The following C11orf97 variants were observed in gnomAD, a reference collection of about 807,000 sequenced individuals.
The protein encoded by C11orf97 is chromosome 11 open reading frame 97, also known as uncharacterized protein C11orf97.
A neutral mutation model predicts 16.2 loss-of-function variants in C11orf97; 15 were observed. That is an observed-to-expected ratio of 0.93 (90% CI 0.62 to 1.43). The LOEUF is 1.43. C11orf97 is among the 40% of genes most tolerant of loss of function. The pLI is 0.00. For missense variants in C11orf97, 171 were observed against 161.2 expected, an observed-to-expected ratio of 1.06 and a Z score of -0.33; for synonymous variants, 61 against 65.7, an observed-to-expected ratio of 0.93 and a Z score of 0.34.
At chr11:94,527,830 T>G (rs1425596248) in intron 2 of C11orf97, among the ~76,000 whole-genome samples, 1 of 152,242 alleles carries the variant, frequency 6.6e-6, no homozygotes, top group African/African-American at 2.4e-5. Flanking sequence ...TATGTTTCTA[T>G]TCATCTATTT....
intron 3 of C11orf97, among the ~76,000 whole-genome samples, chr11:94,529,433 T>G (rs1446288358): frequency 6.6e-6 from 1 of 152,180 alleles, no homozygotes; most frequent in Admixed American, 6.5e-5. Context: ...TTAGGAAGAC[T>G]TCAGTTTAAT....
intron 2 of C11orf97, among the ~76,000 whole-genome samples, chr11:94,522,936 A>T (rs1565253501): frequency 6.6e-6 from 1 of 152,178 alleles, no homozygotes; most frequent in Non-Finnish European, 1.5e-5. Context: ...ATTTGTATTA[A>T]CAACAGTGGC....
chr11:94,525,162 A>G (rs538353679), intron 2 of C11orf97, among the ~76,000 whole-genome samples: 18 of 152,298 alleles, frequency 1.2e-4, no homozygotes, highest in African/African-American at 4.3e-4. Flanking sequence ...TTTTAAAACT[A>G]TTTCTGCATT....
At chr11:94,520,196 G>A (rs1947646837) in intron 2 of C11orf97, among the ~76,000 whole-genome samples, 2 of 152,130 alleles carry the variant, frequency 1.3e-5, no homozygotes, top group Admixed American at 1.3e-4. Flanking sequence ...TCTTTTTGAA[G>A]GTCAAATCCA....
At chr11:94,517,774 C>A in intron 2 of C11orf97, 87 bp downstream of exon 2, 3 of 888,912 alleles carry the variant, frequency 3.4e-6, no homozygotes, top group Non-Finnish European at 4.8e-6. Context: ...TAAAACCATA[C>A]TATTGAAATA....
At chr11:94,517,052 T>C (rs1275033687) in intron 1 of C11orf97, among the ~76,000 whole-genome samples, 2 of 152,250 alleles carry the variant, frequency 1.3e-5, no homozygotes, top group Non-Finnish European at 2.9e-5. Context: ...TCATGTCCTA[T>C]AGGTCCAGAT....
At chr11:94,522,968 C>T (rs1453538455) in intron 2 of C11orf97, among the ~76,000 whole-genome samples, 2 of 152,086 alleles carry the variant, frequency 1.3e-5, no homozygotes, top group African/African-American at 4.8e-5. Context: ...TACAATGCCC[C>T]GTGCTGACCT....
At chr11:94,515,426 C>T (rs1482440662) in intron 1 of C11orf97, among the ~76,000 whole-genome samples, 1 of 152,130 alleles carries the variant, frequency 6.6e-6, no homozygotes, top group Non-Finnish European at 1.5e-5. Flanking sequence ...TCTATACACA[C>T]AAGACATCTA....
In C11orf97 at chr11:94,522,368, T is replaced by C. The variant is rs184519578; in HGVS notation, c.250+4681T>C. On this transcript the variant is annotated intron_variant, in intron 2 of 3. Transcript: ENST00000542198. ...GGCTAACATGGTGAAACCTCGTCTC[T>C]ACTAAACATACAAAAAAAATTAGCC... Among the ~76,000 whole-genome samples, 5 of 152,210 alleles carry C rather than the reference T, an allele frequency of 3.3e-5. No homozygotes were observed. The East Asian group carries it at 9.7e-4, about 29-fold the overall frequency.
intron 2 of C11orf97, among the ~76,000 whole-genome samples, chr11:94,527,007 T>C (rs1350552738): frequency 6.6e-6 from 1 of 152,214 alleles, no homozygotes; most frequent in African/African-American, 2.4e-5. Context: ...TATCATTTAT[T>C]GAGTACAAAG....
At chr11:94,531,257 T>A (rs1044929520) in intron 3 of C11orf97, among the ~76,000 whole-genome samples, 2 of 152,084 alleles carry the variant, frequency 1.3e-5, no homozygotes, top group African/African-American at 4.8e-5. Flanking sequence ...CTGGTCAACA[T>A]GGCGAAACCC....
At chr11:94,514,886 C>T (rs182559566) in intron 1 of C11orf97, among the ~76,000 whole-genome samples, 42 of 152,126 alleles carry the variant, frequency 2.8e-4, no homozygotes, top group African/African-American at 9.2e-4. Flanking sequence ...CTCAAGTAAT[C>T]TGCCCACCTC....
chr11:94,528,943 A>G (rs1421159554), intron 3 of C11orf97, among the ~76,000 whole-genome samples: 4 of 152,174 alleles, frequency 2.6e-5, no homozygotes, highest in African/African-American at 9.6e-5. Context: ...TATGAATCAT[A>G]ATAGCAATGC....
chr11:94,526,423 C>G (rs1156400800), intron 2 of C11orf97, among the ~76,000 whole-genome samples: 1 of 152,146 alleles, frequency 6.6e-6, no homozygotes, highest in Non-Finnish European at 1.5e-5. Flanking sequence ...GTGTTTTTCT[C>G]TGTGACATTC....
At chr11:94,520,131 G>A (rs1463246472) in intron 2 of C11orf97, among the ~76,000 whole-genome samples, 1 of 152,040 alleles carries the variant, frequency 6.6e-6, no homozygotes, top group East Asian at 1.9e-4. Context: ...TTCTAATTAG[G>A]CATTTGTTCC....
chr11:94,512,584 G>T lies in C11orf97; in HGVS notation c.56G>T (p.Arg19Leu). The change falls in exon 1 of 4, where the codon CGC becomes CTC. Residue 19 changes from arginine (R) to leucine (L), a missense_variant. Transcript: ENST00000542198. Reference protein sequence around the residue: ...VTAVVAPKAGREEEQPPPPAG... With the variant: ...VTAVVAPKAGLEEEQPPPPAG... ...GCAGTGGTGGCGCCCAAGGCGGGTC[G>T]CGAAGAGGAGCAGCCTCCTCCGCCA... 7.8e-7 allele frequency: 1 copy of T among 1,289,428 alleles called. No homozygotes were observed. The highest frequency in any genetic ancestry group is 9.8e-7 in the Non-Finnish European group (1 of 1,018,584). The allele number at this position is 1,289,428 out of a possible 1,614,324, so 79.9% of individuals were successfully genotyped here. A position where few individuals can be genotyped will look rare whatever the true frequency, so the allele number is the denominator to read the frequency against.
In C11orf97 at chr11:94,524,876, T is replaced by A. The variant is rs569010920; in HGVS notation, c.251-3208T>A. Among the ~76,000 whole-genome samples the A allele has an allele frequency of 1.8e-4, 27 of 152,166 alleles. No homozygotes were observed. In the East Asian group the frequency reaches 4.8e-3, roughly 27 times the overall value. ...GAGTTCAAAACCAGCCCAGGCAACATGGTGAAACCTCGTCTCTATTAAAAA... is the reference window on the plus strand; with the variant it reads ...GAGTTCAAAACCAGCCCAGGCAACAAGGTGAAACCTCGTCTCTATTAAAAA... On this transcript the variant is annotated intron_variant, in intron 2 of 3. Transcript: ENST00000542198.
chr11:94,522,371 T>C (rs918425653), intron 2 of C11orf97, among the ~76,000 whole-genome samples: 2 of 152,068 alleles, frequency 1.3e-5, no homozygotes, highest in South Asian at 4.1e-4. Context: ...TCGTCTCTAC[T>C]AAACATACAA....
At chr11:94,531,526 C>CAAAAAAAAAAA (rs35270400) in intron 3 of C11orf97, among the ~76,000 whole-genome samples, 11 of 92,072 alleles carry the variant, frequency 1.2e-4, no homozygotes, top group Non-Finnish European at 2.3e-4. Context: ...CAAAACAAGC[C>CAAAAAAAAAAA]AAAAAAAAAA....
Sources: allele counts gnomAD v4.1 joint callset (sites outside exome capture counted in the v4.1 genomes callset), GRCh38; gene constraint gnomAD v4.1.1; transcripts MANE v1.5; gene names NCBI Gene and HGNC (gene_info 2026-07-23, HGNC 2026-07-21).